Variants in ABCA8 observed in about 807,000 individuals in gnomAD.
ABCA8 encodes the protein ABC-type organic anion transporter ABCA8.
ABCA8 carries 177 observed loss-of-function variants against 192.3 expected under a neutral mutation model. That is an observed-to-expected ratio of 0.92 (90% CI 0.81 to 1.04). The LOEUF (loss-of-function observed/expected upper bound fraction) is 1.04, where lower values mean the gene tolerates loss of function less well. Among genes scored for constraint, ABCA8 ranks in the 50% least tolerant of loss-of-function variants. The pLI, the probability that ABCA8 is intolerant of heterozygous loss-of-function variation, is 0.00. For synonymous variants in ABCA8, 642 were observed against 690.2 expected (o/e 0.93, Z 1.09); for missense variants, 1,915 against 1,904.8 (o/e 1.01, Z -0.10).
At chr17:68,932,166 C>A (rs901575829) in intron 7 of ABCA8, 122 bp downstream of exon 7, 1 of 705,300 alleles carries the variant, frequency 1.4e-6, no homozygotes, top group South Asian at 2.0e-5. Context: ...GCTGAGATCA[C>A]GCCACTGCAC....
chr17:68,869,816 T>A, intron 37 of ABCA8, 37 bp from the exon 38 acceptor site: 1 of 1,405,174 alleles, frequency 7.1e-7, no homozygotes, highest in Non-Finnish European at 1.0e-6. Context: ...GTGATACCAC[T>A]TGTGCCAGAT....
rs781420395 is a variant in ABCA8, at chr17:68,918,036, C to A, written c.2047+11G>T. The A allele has an allele frequency of 6.2e-7, 1 of 1,613,824 alleles. No homozygotes were observed. Among genetic ancestry groups the A allele is most frequent in the Non-Finnish European group, 8.5e-7 (1 of 1,179,926 alleles). The stretch of plus-strand genomic sequence containing the variant: ...TCCTCCTCAGGATACTTAACAGAAA[C>A]CAGTGATTACCCGCCAGGATGTCGG... On this transcript the variant is annotated intron_variant, in intron 16 of 39. Transcript: ENST00000586539.
Position 68,918,076 on chromosome 17 carries a change from T to C in ABCA8, c.2018A>G (p.Gln673Arg). 6.2e-7 allele frequency: 1 copy of C among 1,614,166 alleles called. No individual in the cohort carries two copies. Among genetic ancestry groups the C allele is most frequent in the Non-Finnish European group, 8.5e-7 (1 of 1,180,024 alleles). Residue 673 changes from glutamine to arginine, a missense_variant, in exon 16 of 40, where the codon CAG (glutamine) becomes CGG (arginine). Transcript: ENST00000586539. ...KTDRVILFST[Q>R]FMDEADILAD... is the part of the protein sequence containing the mutation. ...CAGGATGTCGGCCTCATCCATGAAC[T>C]GGGTACTGAAGAGGATCACGCGGTC... is the stretch of plus-strand genomic sequence containing the variant.
chr17:68,935,539 C>CATATATAT (rs1567877214), intron 5 of ABCA8, among the ~76,000 whole-genome samples: 13 of 41,828 alleles, frequency 3.1e-4, no homozygotes, highest in African/African-American at 1.0e-3. Flanking sequence ...GAGTAGTATT[C>CATATATAT]CTATATATAT....
chr17:68,932,398 G>T lies in ABCA8; in HGVS notation c.687C>A (p.Cys229Ter). 3 of 1,613,654 alleles carry T rather than the reference G, an allele frequency of 1.9e-6. No homozygotes were observed. Among genetic ancestry groups the T allele is most frequent in the Non-Finnish European group, 2.5e-6 (3 of 1,179,598 alleles). Residue 229 changes from cysteine to a stop codon, truncating the protein, a stop_gained, in exon 7 of 40, where the codon TGC becomes TGA. Transcript: ENST00000586539. LOFTEE classifies it high-confidence loss of function. Reference sequence around the variant, plus strand: ...AAATGAATGAGGAAAATGAAATAATGCAGGAAAAAAGGTACAAATCAGTTA... The same window carrying T: ...AAATGAATGAGGAAAATGAAATAATTCAGGAAAAAAGGTACAAATCAGTTA... The part of the protein sequence containing the change: ...GVITDLYLFS[C>*]IISFSSFIYY...
chr17:68,896,847 C>A (rs553830789), intron 21 of ABCA8, among the ~76,000 whole-genome samples: 40 of 152,304 alleles, frequency 2.6e-4, no homozygotes, highest in South Asian at 4.1e-4. Flanking sequence ...GAGAGCAAAT[C>A]TCTTCTGTAA....
rs527721448 is a variant in ABCA8, at chr17:68,918,070, A to G, written c.2024T>C (p.Met675Thr). ...ACCCGCCAGGATGTCGGCCTCATCC[A>G]TGAACTGGGTACTGAAGAGGATCAC... is the stretch of plus-strand genomic sequence containing the variant. ...DRVILFSTQFMDEADILADRK... is the reference protein window; with the variant it reads ...DRVILFSTQFTDEADILADRK... Residue 675 changes from methionine to threonine, a missense_variant, in exon 16 of 40, where the codon ATG (methionine) becomes ACG (threonine). Coordinates refer to ENST00000586539, the MANE Select transcript of ABCA8 (RefSeq NM_001288985.2). 3 of 1,614,210 alleles carry G rather than the reference A, an allele frequency of 1.9e-6. No homozygotes were observed. The highest frequency in any genetic ancestry group is 3.3e-5 in the Admixed American group (2 of 60,018).
intron 30 of ABCA8, among the ~76,000 whole-genome samples, chr17:68,882,243 G>A (rs940487151): frequency 3.3e-5 from 5 of 152,042 alleles, no homozygotes; most frequent in East Asian, 1.9e-4. Context: ...CAGATCAAAC[G>A]GGGGCAATGA....
chr17:68,926,012 G>A (rs1477987272), intron 10 of ABCA8, among the ~76,000 whole-genome samples: 1 of 152,048 alleles, frequency 6.6e-6, no homozygotes, highest in Admixed American at 6.5e-5. Context: ...AAAAAGCATG[G>A]ATGTGAAAGA....
chr17:68,875,820 G>A (rs919892905), intron 35 of ABCA8, 87 bp from the exon 36 acceptor site: 128 of 1,438,536 alleles, frequency 8.9e-5, no homozygotes, highest in South Asian at 2.8e-4. Flanking sequence ...ACTGGCATGC[G>A]TGTGAATAAT....
chr17:68,885,049 T>A, intron 27 of ABCA8, 147 bp downstream of exon 27: 1 of 1,128,584 alleles, frequency 8.9e-7, no homozygotes, highest in South Asian at 1.9e-5. Flanking sequence ...TTGTTTTATC[T>A]GGGAGAAAAT....
At chr17:68,935,540 C>A (rs796232097) in intron 5 of ABCA8, among the ~76,000 whole-genome samples, 151 of 87,268 alleles carry the variant, frequency 1.7e-3, no homozygotes, top group Middle Eastern at 0.015. Context: ...AGTAGTATTC[C>A]TATATATATA....
At chr17:68,886,879 A>T (rs1400974390) in intron 26 of ABCA8, 138 bp downstream of exon 26, 1 of 427,076 alleles carries the variant, frequency 2.3e-6, no homozygotes, top group Non-Finnish European at 4.0e-6. Flanking sequence ...AGTTTTGACC[A>T]TGTCAGTAAC....
intron 37 of ABCA8, among the ~76,000 whole-genome samples, chr17:68,874,865 C>A (rs8071913): frequency 0.036 from 5,504 of 152,268 alleles, 325 homozygotes; most frequent in African/African-American, 0.12. Context: ...CCTCTTGGTT[C>A]TGCCACTTGT....
chr17:68,951,022 G>T (rs149167446), intron 1 of ABCA8, among the ~76,000 whole-genome samples: 1 of 151,898 alleles, frequency 6.6e-6, no homozygotes, highest in Admixed American at 6.6e-5. Flanking sequence ...AGCCTACTGC[G>T]GAATGAAACC....
At chr17:68,877,389 T>C in intron 33 of ABCA8, 130 bp downstream of exon 33, 1 of 759,040 alleles carries the variant, frequency 1.3e-6, no homozygotes, top group Non-Finnish European at 2.0e-6. Context: ...AGTTTCTAGT[T>C]GTAAATCTAC....
At chr17:68,914,678 G>A (rs2067311006) in intron 17 of ABCA8, among the ~76,000 whole-genome samples, 1 of 152,056 alleles carries the variant, frequency 6.6e-6, no homozygotes, top group Non-Finnish European at 1.5e-5. Context: ...CTATGCTCAT[G>A]GGTTGGAAGA....
intron 17 of ABCA8, among the ~76,000 whole-genome samples, chr17:68,915,824 C>G (rs968028969): frequency 2.0e-5 from 3 of 152,122 alleles, no homozygotes; most frequent in Admixed American, 2.0e-4. Context: ...TATCTGCACT[C>G]TCGTGTTTAT....
Position 68,928,920 on chromosome 17 carries a change from A to G in ABCA8, c.1125+129T>C, listed in dbSNP as rs138676283. ...AGCTTTTAAAAGTTCTGTCTTTGCA[A>G]CTTTACAACAGCCTTCGCTAGAATT... On this transcript the variant is annotated intron_variant, in intron 9 of 39. Coordinates refer to ENST00000586539, the MANE Select transcript of ABCA8 (RefSeq NM_001288985.2). The G allele has an allele frequency of 7.6e-4, 590 of 779,946 alleles. 3 individuals carry two copies. The African/African-American group carries it at 9.5e-3, about 12-fold the overall frequency. 48.3% of individuals were successfully genotyped at this position (779,946 alleles called of 1,614,324 possible).
Sources: allele counts gnomAD v4.1 joint callset (sites outside exome capture counted in the v4.1 genomes callset), GRCh38; gene constraint gnomAD v4.1.1; transcripts MANE v1.5; gene names NCBI Gene and HGNC (gene_info 2026-07-23, HGNC 2026-07-21).